ABLIM2: variants seen among roughly 807,000 people sequenced by gnomAD.
ABLIM2 encodes actin-binding LIM protein 2.
In ABLIM2, 53 loss-of-function variants were observed where a neutral mutation model predicts 97.7. The ratio of observed to expected loss-of-function variants is 0.54; its 90% confidence interval spans 0.44 to 0.68. The LOEUF (loss-of-function observed/expected upper bound fraction) is 0.68. Ranked by LOEUF, ABLIM2 falls within the 30% of genes least tolerant of loss-of-function variation. The probability of loss-of-function intolerance (pLI) is 0.00; values close to 1 mark genes in which losing one functional copy is unlikely to be tolerated. For synonymous variants in ABLIM2, 361 were observed against 345.8 expected (o/e 1.04, Z -0.49); for missense variants, 835 against 867.2 (o/e 0.96, Z 0.47).
At chr4:8,028,335 C>T (rs1412139189) in intron 11 of ABLIM2, among the ~76,000 whole-genome samples, 2 of 152,322 alleles carry the variant, frequency 1.3e-5, no homozygotes, top group South Asian at 2.1e-4. Flanking sequence ...GCCCTTAGGA[C>T]GAGGAGCTCA....
intron 14 of ABLIM2, among the ~76,000 whole-genome samples, chr4:8,017,447 T>A (rs993679041): frequency 6.6e-6 from 1 of 151,942 alleles, no homozygotes; most frequent in African/African-American, 2.4e-5. Flanking sequence ...TTGCCACACC[T>A]GGCTATTTTT....
rs1578482019 is a variant in ABLIM2, at chr4:8,140,510, AC to A, written c.10+18169del. On this transcript the variant is annotated intron_variant, in intron 1 of 20. Transcript: ENST00000447017. This position sits in a 1 kb window ranked among gnomAD's most constrained non-coding sequence, Gnocchi z 5.9. The stretch of plus-strand genomic sequence containing the variant: ...AGCATGGGGGAAAGGGGGCAGTGAC[AC>A]GGGGGCCTTGCCTGCATGTGGGAGC... Among the ~76,000 whole-genome samples, 1 of 151,930 alleles carries A rather than the reference AC, an allele frequency of 6.6e-6. No homozygotes were observed. Among genetic ancestry groups the A allele is most frequent in the East Asian group, 1.9e-4 (1 of 5,168 alleles).
Position 7,983,438 on chromosome 4 carries a change from C to A in ABLIM2, c.1744-94G>T, listed in dbSNP as rs371079889. Reference sequence around the variant, plus strand: ...GAAGGTCACCGAGAATACATACTTGCGTCTGCACCTGACACACACATTTCA... The same window carrying A: ...GAAGGTCACCGAGAATACATACTTGAGTCTGCACCTGACACACACATTTCA... On this transcript the variant is annotated intron_variant, in intron 19 of 20. Coordinates refer to ENST00000447017, the MANE Select transcript of ABLIM2 (RefSeq NM_001130083.2). 39 of 1,576,388 alleles carry A rather than the reference C, an allele frequency of 2.5e-5. No homozygotes were observed. In the East Asian group the frequency reaches 8.6e-4, roughly 35 times the overall value.
At chr4:8,059,512 C>T (rs1230543684) in intron 7 of ABLIM2, among the ~76,000 whole-genome samples, 1 of 152,092 alleles carries the variant, frequency 6.6e-6, no homozygotes. Flanking sequence ...AAGGTGCCCC[C>T]TGTCCCCCGG....
chr4:7,986,335 T>G lies in ABLIM2; in HGVS notation c.1681-1442A>C, dbSNP rs930309320. On this transcript the variant is annotated intron_variant, in intron 17 of 20. Transcript: ENST00000447017. The surrounding 1 kb of genome is among the most constrained non-coding windows in gnomAD (Gnocchi z 4.3). The stretch of plus-strand genomic sequence containing the variant: ...CAGAGGGCACCGAGTCCAAAGCCCT[T>G]TATCTGAAACAGGAAAACCGAGGCC... Among the ~76,000 whole-genome samples the G allele has an allele frequency of 3.9e-5, 6 of 152,082 alleles. No individual in the cohort carries two copies. The highest frequency in any genetic ancestry group is 1.4e-4 in the African/African-American group (6 of 41,418).
At chr4:7,987,415 G>A (rs1479194257) in intron 17 of ABLIM2, among the ~76,000 whole-genome samples, 1 of 152,194 alleles carries the variant, frequency 6.6e-6, no homozygotes, top group Non-Finnish European at 1.5e-5. Context: ...GAGCCACCAT[G>A]TCCACTCAAG....
At chr4:8,101,000 A>C (rs1435261621) in intron 2 of ABLIM2, among the ~76,000 whole-genome samples, 1 of 152,236 alleles carries the variant, frequency 6.6e-6, no homozygotes, top group African/African-American at 2.4e-5. Flanking sequence ...TCACATTTTA[A>C]AGAGACTCAG....
At chr4:8,007,971 T>G (rs1372133327) in intron 16 of ABLIM2, 88 bp downstream of exon 16, 1 of 1,566,712 alleles carries the variant, frequency 6.4e-7, no homozygotes, top group African/African-American at 1.4e-5. Context: ...AAGGCTTAGA[T>G]GTAGGGGGAT....
At chr4:7,981,267 G>A (rs1429462759) in intron 20 of ABLIM2, among the ~76,000 whole-genome samples, 1 of 152,038 alleles carries the variant, frequency 6.6e-6, no homozygotes, top group African/African-American at 2.4e-5. Context: ...TCTTAACCCA[G>A]ATGCTCCTTT....
chr4:8,048,948 C>T (rs140402406), intron 8 of ABLIM2, among the ~76,000 whole-genome samples: 2 of 152,300 alleles, frequency 1.3e-5, no homozygotes, highest in East Asian at 1.9e-4. Context: ...CCTTCTCACC[C>T]CAAGGTCCTG....
In ABLIM2 at chr4:8,097,154, C is replaced by T. The variant is rs780719323; in HGVS notation, c.283G>A (p.Val95Met). The T allele has an allele frequency of 1.2e-6, 2 of 1,610,864 alleles. No individual in the cohort carries two copies. Among genetic ancestry groups the T allele is most frequent in the African/African-American group, 1.3e-5 (1 of 74,900 alleles). The stretch of plus-strand genomic sequence containing the variant: ...TGGTAGGTCTTGCCCAGCGCCGACA[C>T]CACCTCACCCTCAATGAACTGGTCG... ...SCDQFIEGEV[V>M]SALGKTYHPD... Residue 95 changes from valine to methionine, a missense_variant, in exon 3 of 21, where the codon GTG becomes ATG. Transcript: ENST00000447017.
chr4:7,966,860 G>A lies in ABLIM2; in HGVS notation c.*130C>T, dbSNP rs2149282190. ...GGTGCAGGGGCCGCACCTGCTGGGGGACCCCCTCCCGCCCACCCCATGGAC... is the reference window on the plus strand; with the variant it reads ...GGTGCAGGGGCCGCACCTGCTGGGGAACCCCCTCCCGCCCACCCCATGGAC... On this transcript the variant is annotated 3_prime_UTR_variant, in exon 21 of 21. Transcript: ENST00000447017. 2 of 298,828 alleles carry A rather than the reference G, an allele frequency of 6.7e-6. No homozygotes were observed. Among genetic ancestry groups the A allele is most frequent in the East Asian group, 1.9e-4 (2 of 10,792 alleles). The allele number at this position is 298,828 out of a possible 1,614,324, so 18.5% of individuals were successfully genotyped here.
At chr4:8,081,282 C>A (rs570474544) in intron 4 of ABLIM2, among the ~76,000 whole-genome samples, 1 of 152,224 alleles carries the variant, frequency 6.6e-6, no homozygotes, top group Non-Finnish European at 1.5e-5. Context: ...GCCATCCCTA[C>A]GGTGACTGGC....
intron 16 of ABLIM2, among the ~76,000 whole-genome samples, chr4:8,000,307 CAG>C (rs1211232365): frequency 6.6e-6 from 1 of 152,170 alleles, no homozygotes; most frequent in Non-Finnish European, 1.5e-5. Flanking sequence ...CAACAACCCT[CAG>C]AGTCAGGCCA....
intron 16 of ABLIM2, among the ~76,000 whole-genome samples, chr4:7,993,434 A>G (rs1208231287): frequency 6.6e-6 from 1 of 152,232 alleles, no homozygotes; most frequent in Non-Finnish European, 1.5e-5. Context: ...CTGTAATCTT[A>G]GAGCTTTGGG....
rs1405662379 is a variant in ABLIM2, at chr4:8,034,385, T to A, written c.1047+1764A>T. Among the ~76,000 whole-genome samples the A allele has an allele frequency of 2.1e-5, 3 of 141,440 alleles. No individual in the cohort carries two copies. In the Admixed American group the frequency reaches 2.1e-4, roughly 10 times the overall value. The allele number at this position is 141,440 out of a possible 152,430, so 92.8% of individuals were successfully genotyped here. A position where few individuals can be genotyped will look rare whatever the true frequency, so the allele number is the denominator to read the frequency against. ...TGGGTGCAGGGGGGTGTGTGGTAAGTGGGTGCAGGCAAGGTGCAGGTAGGT... is the reference window on the plus strand; with the variant it reads ...TGGGTGCAGGGGGGTGTGTGGTAAGAGGGTGCAGGCAAGGTGCAGGTAGGT... On this transcript the variant is annotated intron_variant, in intron 10 of 20. Transcript: ENST00000447017.
rs1348313180 is a variant in ABLIM2 at position 7,983,411 on chromosome 4, CAGA to C, written c.1744-70_1744-68del. ...TGTATGCTGGCACCAAAGAACTGAG[CAGA>C]AGGTCACCGAGAATACATACTTGCG... On this transcript the variant is annotated intron_variant, in intron 19 of 20. Transcript: ENST00000447017. The C allele has an allele frequency of 1.9e-6, 3 of 1,581,478 alleles. No individual in the cohort carries two copies. In the African/African-American group the frequency reaches 4.0e-5, roughly 21 times the overall value.
intron 1 of ABLIM2, among the ~76,000 whole-genome samples, chr4:8,107,275 G>A (rs1433827149): frequency 6.6e-6 from 1 of 152,248 alleles, no homozygotes; most frequent in Non-Finnish European, 1.5e-5. Context: ...TGACTGTGGG[G>A]CTCCCGGGGA....
At chr4:8,119,278 G>C (rs1844186709) in intron 1 of ABLIM2, among the ~76,000 whole-genome samples, 1 of 151,934 alleles carries the variant, frequency 6.6e-6, no homozygotes, top group Non-Finnish European at 1.5e-5. Flanking sequence ...CCCAAAGGAG[G>C]CTGGAGAGGG....
Sources: gnomAD v4.1 joint callset for allele counts (sites outside exome capture counted in the v4.1 genomes callset) on GRCh38, gnomAD v4.1.1 for gene constraint, Gnocchi (gnomAD v3.1) non-coding constraint, MANE v1.5 for transcripts, NCBI Gene and HGNC (gene_info 2026-07-23, HGNC 2026-07-21) for gene names.